ROBO1: variants seen among roughly 807,000 people sequenced by gnomAD.
ROBO1 encodes the protein roundabout homolog 1.
Under a neutral mutation model 195.9 loss-of-function variants are expected in ROBO1, and 149 were observed. The ratio of observed to expected loss-of-function variants is 0.76; its 90% confidence interval spans 0.67 to 0.87. The LOEUF is 0.87. Among genes scored for constraint, ROBO1 ranks in the 40% least tolerant of loss-of-function variants. ROBO1 has a pLI of 0.00. For synonymous variants in ROBO1, 816 were observed against 733.2 expected (o/e 1.11, Z -1.82); for missense variants, 1,933 against 2,068.3 (o/e 0.93, Z 1.27).
chr3:79,699,256 T>C (rs2107143938), intron 1 of ROBO1, among the ~76,000 whole-genome samples: 1 of 151,388 alleles, frequency 6.6e-6, no homozygotes, highest in East Asian at 2.0e-4. Flanking sequence ...GGCGTGAAAA[T>C]AATATATGGT....
At chr3:79,208,478 G>A (rs2108795850) in intron 2 of ROBO1, among the ~76,000 whole-genome samples, 1 of 152,192 alleles carries the variant, frequency 6.6e-6, no homozygotes, top group East Asian at 1.9e-4. Context: ...AGATAATTTG[G>A]GTGTCATTAA....
chr3:78,918,931 A>G (rs758196504), intron 4 of ROBO1, among the ~76,000 whole-genome samples: 38 of 152,214 alleles, frequency 2.5e-4, no homozygotes, highest in African/African-American at 8.9e-4. Context: ...TGTTTCTGCA[A>G]CCAAGTTAGT....
chr3:79,147,381 G>T (rs1229396447), intron 2 of ROBO1, among the ~76,000 whole-genome samples: 1 of 151,928 alleles, frequency 6.6e-6, no homozygotes, highest in African/African-American at 2.4e-5. Context: ...CACTGAGCAG[G>T]TGAGTTTTCT....
intron 2 of ROBO1, among the ~76,000 whole-genome samples, chr3:79,147,711 A>G (rs1454227487): frequency 2.0e-5 from 3 of 151,958 alleles, no homozygotes; most frequent in Non-Finnish European, 4.4e-5. Flanking sequence ...TAATGACTCT[A>G]TTGATTTCTT....
At chr3:79,400,080 C>T (rs1173894498) in intron 2 of ROBO1, among the ~76,000 whole-genome samples, 1 of 152,062 alleles carries the variant, frequency 6.6e-6, no homozygotes, top group Non-Finnish European at 1.5e-5. Flanking sequence ...TGAATTATGT[C>T]ACCAAATGTA....
At chr3:78,778,895 T>C (rs2083584308) in intron 4 of ROBO1, among the ~76,000 whole-genome samples, 1 of 152,118 alleles carries the variant, frequency 6.6e-6, no homozygotes, top group Non-Finnish European at 1.5e-5. Flanking sequence ...AACAGCATGG[T>C]ACTAGTACCA....
At chr3:79,689,940 TA>T (rs1482332088) in intron 1 of ROBO1, among the ~76,000 whole-genome samples, 1 of 152,008 alleles carries the variant, frequency 6.6e-6, no homozygotes, top group Non-Finnish European at 1.5e-5. Flanking sequence ...AGTTCTTACT[TA>T]TAAAATTGTT....
chr3:79,421,694 A>T (rs1259186684), intron 2 of ROBO1, among the ~76,000 whole-genome samples: 5 of 152,096 alleles, frequency 3.3e-5, no homozygotes, highest in Non-Finnish European at 5.9e-5. Flanking sequence ...TAACAATACT[A>T]TCTGATTTGT....
chr3:79,121,135 G>C (rs1477020569), intron 3 of ROBO1, among the ~76,000 whole-genome samples: 1 of 152,104 alleles, frequency 6.6e-6, no homozygotes, highest in Non-Finnish European at 1.5e-5. Flanking sequence ...TTGTTGTAAG[G>C]ATTAAATGAG....
intron 8 of ROBO1, among the ~76,000 whole-genome samples, 159 bp downstream of exon 8, chr3:78,714,238 A>C (rs112503383): frequency 8.2e-4 from 125 of 152,338 alleles, no homozygotes; most frequent in African/African-American, 2.6e-3. Context: ...TCCCATAGGC[A>C]AAACAATATG....
chr3:79,532,995 G>T (rs1941720121), intron 2 of ROBO1: 2 of 321,914 alleles, frequency 6.2e-6, no homozygotes, highest in Admixed American at 4.4e-5. Context: ...TTAAAAAAAA[G>T]TATCTTGTAA....
rs189443932 is a variant in ROBO1, at chr3:78,635,748, T to C, written c.3373+25A>G. 1.4e-4 allele frequency: 223 copies of C among 1,595,644 alleles called. No homozygotes were observed. The African/African-American group carries it at 1.9e-3, about 14-fold the overall frequency. ...GCTGAGAGTATCATACAGAAACAGA[T>C]GGGAATACATGCAAGCCTCTTCACC... On this transcript the variant is annotated intron_variant, in intron 23 of 30. Transcript: ENST00000464233.
intron 4 of ROBO1, among the ~76,000 whole-genome samples, chr3:78,786,503 T>G (rs2083839054): frequency 6.6e-6 from 1 of 152,174 alleles, no homozygotes; most frequent in African/African-American, 2.4e-5. Flanking sequence ...TTTGATATGG[T>G]TTTGCTGTGT....
At chr3:78,942,804 G>C (rs1416449058) in intron 3 of ROBO1, among the ~76,000 whole-genome samples, 6 of 152,216 alleles carry the variant, frequency 3.9e-5, no homozygotes, top group Non-Finnish European at 7.3e-5. Context: ...CTACTCAGGA[G>C]GCTGAGGTGG....
intron 2 of ROBO1, among the ~76,000 whole-genome samples, chr3:79,280,362 T>C (rs1189240108): frequency 6.6e-6 from 1 of 152,120 alleles, no homozygotes; most frequent in Non-Finnish European, 1.5e-5. Context: ...ATTATTATTT[T>C]TAATTAAAAA....
At chr3:79,294,126 A>G (rs2032440028) in intron 2 of ROBO1, among the ~76,000 whole-genome samples, 2 of 151,666 alleles carry the variant, frequency 1.3e-5, no homozygotes, top group South Asian at 4.2e-4. Flanking sequence ...ATCAAAAAAG[A>G]GCCCATATAG....
chr3:78,937,500 C>G (rs1020566577), intron 4 of ROBO1, among the ~76,000 whole-genome samples: 1 of 151,920 alleles, frequency 6.6e-6, no homozygotes, highest in African/African-American at 2.4e-5. Flanking sequence ...AATCCCTATG[C>G]AATTCTCAAT....
chr3:78,930,041 G>A (rs568562200), intron 4 of ROBO1, among the ~76,000 whole-genome samples: 21 of 152,172 alleles, frequency 1.4e-4, no homozygotes, highest in Admixed American at 5.2e-4. Context: ...ATTCCAGAAC[G>A]AAAGAAAACA....
chr3:79,253,108 C>T (rs2082763198), intron 2 of ROBO1, among the ~76,000 whole-genome samples: 1 of 151,974 alleles, frequency 6.6e-6, no homozygotes, highest in Non-Finnish European at 1.5e-5. Flanking sequence ...CTATGGGGCA[C>T]CAAAATAAAA....
Sources: allele counts gnomAD v4.1 joint callset (sites outside exome capture counted in the v4.1 genomes callset), GRCh38; gene constraint gnomAD v4.1.1; transcripts MANE v1.5; gene names NCBI Gene and HGNC (gene_info 2026-07-23, HGNC 2026-07-21).